Variants in PRKD2 observed in about 807,000 individuals in gnomAD.
PRKD2 encodes serine/threonine-protein kinase D2.
A neutral mutation model predicts 86.0 loss-of-function variants in PRKD2; 22 were observed. That is an observed-to-expected ratio of 0.26 (90% confidence interval 0.18 to 0.37). PRKD2 has a LOEUF of 0.37. Among genes scored for constraint, PRKD2 ranks in the 10% least tolerant of loss-of-function variants. PRKD2 has a pLI of 1.00. For missense variants in PRKD2, 818 were observed against 1,199.2 expected, an observed-to-expected ratio of 0.68 and a Z score of 4.70; for synonymous variants, 509 against 510.9, an observed-to-expected ratio of 1.00 and a Z score of 0.05.
intron 5 of PRKD2, among the ~76,000 whole-genome samples, chr19:46,702,402 T>G (rs1053061026): frequency 6.6e-6 from 1 of 152,148 alleles, no homozygotes; most frequent in African/African-American, 2.4e-5. Context: ...TAGACATCTA[T>G]GAGTCAACAC....
At chr19:46,681,605 C>CCCA in intron 15 of PRKD2, 45 bp downstream of exon 15, 1 of 1,022,418 alleles carries the variant, frequency 9.8e-7, no homozygotes. Flanking sequence ...CCCCGGCCAT[C>CCCA]AGTGTTGCCT....
At chr19:46,680,946 A>ATATATATTTT in intron 15 of PRKD2, among the ~76,000 whole-genome samples, 1 of 48,232 alleles carries the variant, frequency 2.1e-5, no homozygotes, top group Non-Finnish European at 4.0e-5. Flanking sequence ...ATATATATAT[A>ATATATATTTT]TTTTTTTTTT....
At chr19:46,697,652 A>C (rs1599829390) in intron 8 of PRKD2, 81 bp downstream of exon 8, 30 of 1,320,770 alleles carry the variant, frequency 2.3e-5, no homozygotes, top group African/African-American at 1.1e-4. Context: ...AGCCCCACCC[A>C]CCTAGCCCCG....
chr19:46,716,022 G>A lies in PRKD2; in HGVS notation c.240+109C>T. Reference sequence around the variant, plus strand: ...GCCCCCTATCCCTCCATCACCCAAAGCTCAGGTCTCCTTCCTCCCTCTTCC... The same window carrying A: ...GCCCCCTATCCCTCCATCACCCAAAACTCAGGTCTCCTTCCTCCCTCTTCC... On this transcript the variant is annotated intron_variant, in intron 1 of 17. Coordinates refer to ENST00000291281, the MANE Select transcript of PRKD2 (RefSeq NM_016457.5). This position sits in a 1 kb window ranked among gnomAD's most constrained non-coding sequence, Gnocchi z 7.9. 1.4e-6 allele frequency: 2 copies of A among 1,467,722 alleles called. No individual in the cohort carries two copies. The highest frequency in any genetic ancestry group is 9.1e-7 in the Non-Finnish European group (1 of 1,104,412). The allele number at this position is 1,467,722 out of a possible 1,614,324, so 90.9% of individuals were successfully genotyped here.
chr19:46,697,184 C>G lies in PRKD2; in HGVS notation c.1290G>C (p.Gln430His), dbSNP rs760970123. The change falls in exon 9 of 18, where the codon CAG becomes CAC. Residue 430 changes from glutamine to histidine, a missense_variant. Gln to His is a conservative substitution (Grantham distance 24). This residue lies in a region of PRKD2 where 127 missense variants were observed against 157.8 expected (regional missense o/e 0.80). Transcript: ENST00000291281. ...TATAGTATCTGTTGGTCGTGTTGTT[C>G]TGGAAGAGCGTGATACACTTGCAGT... Reference protein sequence around the residue: ...RLDCKCITLFQNNTTNRYYKE... With the variant: ...RLDCKCITLFHNNTTNRYYKE... 8 of 1,596,606 alleles carry G rather than the reference C, an allele frequency of 5.0e-6. No homozygotes were observed. The highest frequency in any genetic ancestry group is 6.9e-6 in the Non-Finnish European group (8 of 1,164,316).
intron 14 of PRKD2, chr19:46,686,221 G>T (rs2053394366): frequency 6.6e-6 from 1 of 152,040 alleles, no homozygotes; most frequent in Non-Finnish European, 1.5e-5. Context: ...CCACTCTATG[G>T]CCGGCTGGAC....
intron 14 of PRKD2, among the ~76,000 whole-genome samples, chr19:46,687,065 A>C (rs1202936798): frequency 6.6e-6 from 1 of 152,086 alleles, no homozygotes; most frequent in Non-Finnish European, 1.5e-5. Flanking sequence ...ATAAGAATCT[A>C]ATGTGCACCT....
At chr19:46,710,788 C>T (rs773680990) in intron 3 of PRKD2, 119 bp downstream of exon 3, 14 of 1,114,500 alleles carry the variant, frequency 1.3e-5, no homozygotes, top group African/African-American at 3.2e-5. Flanking sequence ...TCCTAGGCTG[C>T]GCCCCCAGCT....
intron 3 of PRKD2, among the ~76,000 whole-genome samples, chr19:46,706,888 ATTTC>A (rs1215190673): frequency 6.9e-6 from 1 of 145,436 alleles, no homozygotes; most frequent in Non-Finnish European, 1.5e-5. Context: ...GAGAAACTGG[ATTTC>A]TTTTTTTTTT....
intron 15 of PRKD2, among the ~76,000 whole-genome samples, chr19:46,680,536 G>A (rs902161374): frequency 2.0e-5 from 3 of 152,062 alleles, no homozygotes; most frequent in East Asian, 1.9e-4. Flanking sequence ...TGATCTGCCC[G>A]CCTCAGCCTC....
At chr19:46,692,584 G>A (rs562037471) in intron 10 of PRKD2, among the ~76,000 whole-genome samples, 2 of 151,176 alleles carry the variant, frequency 1.3e-5, no homozygotes, top group East Asian at 3.9e-4. Context: ...TCTTACTGAG[G>A]CACAAGACTG....
At chr19:46,676,154 C>T (rs924464558) in intron 16 of PRKD2, among the ~76,000 whole-genome samples, 9 of 151,862 alleles carry the variant, frequency 5.9e-5, no homozygotes, top group South Asian at 2.1e-4. Context: ...TCAGGCTGGG[C>T]GCGGTGGCTC....
chr19:46,699,944 G>A (rs2053613158), intron 7 of PRKD2, among the ~76,000 whole-genome samples: 2 of 145,562 alleles, frequency 1.4e-5, no homozygotes, highest in African/African-American at 2.6e-5. Context: ...AAAAAAAGAA[G>A]AGGAATATAG....
intron 15 of PRKD2, among the ~76,000 whole-genome samples, chr19:46,680,946 A>ATATATATATATTTT: frequency 2.7e-4 from 13 of 48,228 alleles, no homozygotes; most frequent in African/African-American, 7.0e-4. Context: ...ATATATATAT[A>ATATATATATATTTT]TTTTTTTTTT....
At chr19:46,703,993 A>ACACACACACACACACACACACAC (rs1568732338) in intron 5 of PRKD2, among the ~76,000 whole-genome samples, 176 bp downstream of exon 5, 6 of 149,408 alleles carry the variant, frequency 4.0e-5, no homozygotes, top group Non-Finnish European at 6.0e-5. Context: ...ACACACACAC[A>ACACACACACACACACACACACAC]ACTGAGGTTC....
At chr19:46,712,566 CAA>C in intron 2 of PRKD2, among the ~76,000 whole-genome samples, 1 of 152,044 alleles carries the variant, frequency 6.6e-6, no homozygotes, top group South Asian at 2.1e-4. Context: ...ATAAAAATGA[CAA>C]AAACAAAACA....
chr19:46,693,779 C>T lies in PRKD2; in HGVS notation c.1576+96G>A, dbSNP rs998125996. 2.7e-6 allele frequency: 4 copies of T among 1,482,446 alleles called. No individual in the cohort carries two copies. Among genetic ancestry groups the T allele is most frequent in the Middle Eastern group, 2.5e-4 (1 of 3,962 alleles). The allele number at this position is 1,482,446 out of a possible 1,614,324, so 91.8% of individuals were successfully genotyped here. A position where few individuals can be genotyped will look rare whatever the true frequency, so the allele number is the denominator to read the frequency against. On this transcript the variant is annotated intron_variant, in intron 10 of 17. Transcript: ENST00000291281. The surrounding 1 kb of genome is among the most constrained non-coding windows in gnomAD (Gnocchi z 4.5). ...CCAGAAGCTGCGTTCTCAACCCCACCATTGCCCACTTTCCTCTTTGGCCCT... is the reference window on the plus strand; with the variant it reads ...CCAGAAGCTGCGTTCTCAACCCCACTATTGCCCACTTTCCTCTTTGGCCCT...
At chr19:46,713,186 CTT>C (rs59172459) in intron 2 of PRKD2, among the ~76,000 whole-genome samples, 4,347 of 118,908 alleles carry the variant, frequency 0.037, 178 homozygotes, top group African/African-American at 0.098. Context: ...GCCCGGTTAA[CTT>C]TTTTTTTTTT....
chr19:46,697,751 G>T lies in PRKD2; in HGVS notation c.1221C>A (p.Tyr407Ter). Residue 407 changes from tyrosine to a stop codon, truncating the protein, a stop_gained, in exon 8 of 18, where the codon TAC becomes TAA. Transcript: ENST00000291281. LOFTEE classifies it high-confidence loss of function. ...TTLREGWVVH[Y>*]SNKDTLRKRH... ...CACTCACCAGCGTGTCCTTGTTGCT[G>T]TAATGAACCACCCAACCCTCCCGCA... is the stretch of plus-strand genomic sequence containing the variant. The T allele has an allele frequency of 6.2e-7, 1 of 1,614,004 alleles. No individual in the cohort carries two copies. Among genetic ancestry groups the T allele is most frequent in the Non-Finnish European group, 8.5e-7 (1 of 1,179,962 alleles).
Sources: allele counts gnomAD v4.1 joint callset (sites outside exome capture counted in the v4.1 genomes callset), GRCh38; gene constraint gnomAD v4.1.1; regional missense constraint gnomAD v4.1.1; non-coding constraint Gnocchi (gnomAD v3.1); transcripts MANE v1.5; gene names NCBI Gene and HGNC (gene_info 2026-07-23, HGNC 2026-07-21).